Variants in ELSPBP1 observed in about 807,000 individuals in gnomAD.
The protein encoded by ELSPBP1 is epididymal sperm-binding protein 1.
Under a neutral mutation model 33.3 loss-of-function variants are expected in ELSPBP1, and 38 were observed. The observed-to-expected ratio is 1.14, with a 90% CI of 0.88 to 1.50. The LOEUF is 1.50. Among genes scored for constraint, ELSPBP1 ranks in the 40% most tolerant of loss-of-function variants. The probability of loss-of-function intolerance (pLI) is 0.00; values close to 1 mark genes in which losing one functional copy is unlikely to be tolerated. For missense variants in ELSPBP1, 267 were observed against 263.5 expected (o/e 1.01, Z -0.09); for synonymous variants, 85 against 94.1 (o/e 0.90, Z 0.56).
intron 2 of ELSPBP1, among the ~76,000 whole-genome samples, chr19:48,013,315 A>G (rs1439146924): frequency 2.6e-5 from 4 of 152,174 alleles, no homozygotes; most frequent in African/African-American, 9.7e-5. Flanking sequence ...TGGCCCCAAC[A>G]TGAACTGGAT....
At chr19:48,015,477 G>A (rs1345700995) in intron 3 of ELSPBP1, among the ~76,000 whole-genome samples, 3 of 152,060 alleles carry the variant, frequency 2.0e-5, no homozygotes, top group Non-Finnish European at 4.4e-5. Context: ...GCAACATGGC[G>A]ACACCCCATC....
chr19:48,003,397 G>A (rs1199231358), intron 1 of ELSPBP1, among the ~76,000 whole-genome samples: 2 of 152,146 alleles, frequency 1.3e-5, no homozygotes, highest in African/African-American at 4.8e-5. Flanking sequence ...CCTTGAGGTG[G>A]CTTCTGCAGG....
At chr19:48,003,537 C>CT in intron 1 of ELSPBP1, among the ~76,000 whole-genome samples, 1 of 113,936 alleles carries the variant, frequency 8.8e-6, no homozygotes, top group African/African-American at 3.2e-5. Flanking sequence ...GCCACCCCTG[C>CT]TCTTTTTTTT....
chr19:48,016,456 TTTTCTTTCCTTC>T (rs1381168719), intron 4 of ELSPBP1, among the ~76,000 whole-genome samples: 14,334 of 98,280 alleles, frequency 0.15, 1,942 homozygotes, highest in East Asian at 0.22. Context: ...TTTCTCTTTC[TTTTCTTTCCTTC>T]TTTCTTTCTT....
At position 48,006,645 on chromosome 19, in the gene ELSPBP1, A is replaced by AG. The variant is rs1481757379; in HGVS notation, c.-17-2006_-17-2005insG. ...TCAAAAAAAAAAAAAAAAAAAAAAA[A>AG]AAGAAAAGAAAAAGAAAATTTAAGT... On this transcript the variant is annotated intron_variant, in intron 1 of 6. Coordinates refer to ENST00000339841, the MANE Select transcript of ELSPBP1 (RefSeq NM_022142.5). Among the ~76,000 whole-genome samples the AG allele has an allele frequency of 4.0e-5, 6 of 148,810 alleles. 1 individual carries two copies. The highest frequency in any genetic ancestry group is 7.4e-5 in the Non-Finnish European group (5 of 67,182).
chr19:48,015,975 T>G lies in ELSPBP1; in HGVS notation c.291T>G (p.Ser97Arg), dbSNP rs750735430. 6.2e-7 allele frequency: 1 copy of G among 1,614,068 alleles called. No homozygotes were observed. Among genetic ancestry groups the G allele is most frequent in the Non-Finnish European group, 8.5e-7 (1 of 1,179,964 alleles). The change falls in exon 4 of 7, where the codon AGT becomes AGG. Residue 97 changes from serine (S) to arginine (R), a missense_variant. By Grantham distance (110) the Ser-to-Arg change is moderately radical. Coordinates refer to ENST00000339841, the MANE Select transcript of ELSPBP1 (RefSeq NM_022142.5). ...SCISQGSFLG[S>R]LWCSVTSVFD... ...TCTCCCAGGGCAGCTTCTTAGGCAG[T>G]CTGTGGTGCTCAGTCACCTCTGTCT...
At chr19:47,996,486 G>T (rs1966913381) in intron 1 of ELSPBP1, among the ~76,000 whole-genome samples, 1 of 152,102 alleles carries the variant, frequency 6.6e-6, no homozygotes, top group Non-Finnish European at 1.5e-5. Context: ...TGAAAGATGG[G>T]CAAAAGGATG....
In ELSPBP1 at chr19:47,996,012, C is replaced by A. The variant is rs546630368; in HGVS notation, c.-18+1201C>A. Among the ~76,000 whole-genome samples, 51 of 152,300 alleles carry A rather than the reference C, an allele frequency of 3.3e-4. No homozygotes were observed. The South Asian group carries it at 0.01, about 30-fold the overall frequency. ...TACCAGTTGTATCTGCCATTATTTT[C>A]CATGTTGGGTGGTAGATATTGGTGC... On this transcript the variant is annotated intron_variant, in intron 1 of 6. Coordinates refer to ENST00000339841, the MANE Select transcript of ELSPBP1 (RefSeq NM_022142.5).
At chr19:48,020,820 T>G (rs1420431508) in intron 5 of ELSPBP1, among the ~76,000 whole-genome samples, 3 of 151,524 alleles carry the variant, frequency 2.0e-5, no homozygotes, top group Admixed American at 1.3e-4. Flanking sequence ...CAAGACCCAG[T>G]GGAAAGGAAA....
chr19:48,013,765 G>A (rs991536066), intron 2 of ELSPBP1, among the ~76,000 whole-genome samples: 2 of 151,892 alleles, frequency 1.3e-5, no homozygotes, highest in African/African-American at 4.8e-5. Context: ...ACCATTGACT[G>A]CGTAGCTTAT....
chr19:48,019,915 G>T (rs1278802589), intron 5 of ELSPBP1, 38 bp downstream of exon 5: 4 of 1,591,768 alleles, frequency 2.5e-6, no homozygotes, highest in Non-Finnish European at 3.4e-6. Context: ...TGTGGGTGGA[G>T]TCTTTCTTTC....
Position 48,009,816 on chromosome 19 carries a change from C to G in ELSPBP1, c.70+1079C>G, listed in dbSNP as rs555598689. ...TTTTTTTTCTTGGTTCTGCAAAATC[C>G]CAGAAGGGTGCATCTGGTCAGGAAA... On this transcript the variant is annotated intron_variant, in intron 2 of 6. Coordinates refer to ENST00000339841, the MANE Select transcript of ELSPBP1 (RefSeq NM_022142.5). 2.0e-5 allele frequency among the ~76,000 whole-genome samples: 3 copies of G among 152,108 alleles called. No individual in the cohort carries two copies. The East Asian group carries it at 5.8e-4, about 29-fold the overall frequency.
At position 48,019,719 on chromosome 19, in the gene ELSPBP1, A is replaced by G. The variant is rs760104264; in HGVS notation, c.356A>G (p.Glu119Gly). The part of the protein sequence containing the change: ...KQQWKFCETN[E>G]YGGNSLRKPC... Reference sequence around the variant, plus strand: ...GTAACCTTTCCATAATCCTTTTCAGAGTATGGGGGAAATTCTCTCAGGAAG... The same window carrying G: ...GTAACCTTTCCATAATCCTTTTCAGGGTATGGGGGAAATTCTCTCAGGAAG... The change falls in exon 5 of 7, where the codon GAG (glutamate) becomes GGG (glycine). Residue 119 changes from glutamate to glycine, a missense_variant and splice_region_variant. Transcript: ENST00000339841. The G allele has an allele frequency of 6.2e-7, 1 of 1,613,114 alleles. No homozygotes were observed.
chr19:48,013,045 T>C (rs1399849672), intron 2 of ELSPBP1, among the ~76,000 whole-genome samples: 1 of 152,112 alleles, frequency 6.6e-6, no homozygotes, highest in Non-Finnish European at 1.5e-5. Context: ...AGTAGAGAAA[T>C]ACTACTATTA....
chr19:47,996,642 G>A lies in ELSPBP1; in HGVS notation c.-18+1831G>A, dbSNP rs1229382771. Among the ~76,000 whole-genome samples, 3 of 152,010 alleles carry A rather than the reference G, an allele frequency of 2.0e-5. No individual in the cohort carries two copies. In the East Asian group the frequency reaches 5.8e-4, roughly 30 times the overall value. Reference sequence around the variant, plus strand: ...GTAAGAATGGGTGGAAGGATACATGGGTGGATGGGTGGATGGATGGATGAT... The same window carrying A: ...GTAAGAATGGGTGGAAGGATACATGAGTGGATGGGTGGATGGATGGATGAT... On this transcript the variant is annotated intron_variant, in intron 1 of 6. Transcript: ENST00000339841.
At chr19:47,996,475 G>C (rs2122283713) in intron 1 of ELSPBP1, among the ~76,000 whole-genome samples, 1 of 152,272 alleles carries the variant, frequency 6.6e-6, no homozygotes, top group South Asian at 2.1e-4. Context: ...TAGATGGCTG[G>C]TGAAAGATGG....
At chr19:48,020,423 T>C (rs1347676267) in intron 5 of ELSPBP1, among the ~76,000 whole-genome samples, 1 of 152,206 alleles carries the variant, frequency 6.6e-6, no homozygotes, top group Non-Finnish European at 1.5e-5. Context: ...GTACAAGAGC[T>C]GAAGTGAGCC....
At chr19:48,006,041 G>T (rs1967014117) in intron 1 of ELSPBP1, among the ~76,000 whole-genome samples, 1 of 152,088 alleles carries the variant, frequency 6.6e-6, no homozygotes, top group Non-Finnish European at 1.5e-5. Flanking sequence ...GTGCACTGCA[G>T]CCTCGACCTC....
At chr19:48,007,231 A>G (rs1967030439) in intron 1 of ELSPBP1, among the ~76,000 whole-genome samples, 1 of 152,182 alleles carries the variant, frequency 6.6e-6, no homozygotes, top group Admixed American at 6.5e-5. Flanking sequence ...CAGATGAGGA[A>G]ACAAAGGCTC....
Sources: gnomAD v4.1 joint callset for allele counts (sites outside exome capture counted in the v4.1 genomes callset) on GRCh38, gnomAD v4.1.1 for gene constraint, MANE v1.5 for transcripts, NCBI Gene and HGNC (gene_info 2026-07-23, HGNC 2026-07-21) for gene names.